DARS1: variants seen among roughly 807,000 people sequenced by gnomAD.
DARS1 encodes aspartate--tRNA ligase, cytoplasmic.
A neutral mutation model predicts 68.8 loss-of-function variants in DARS1; 51 were observed. The observed-to-expected ratio is 0.74, with a 90% CI of 0.59 to 0.94. The LOEUF is 0.94. Among genes scored for constraint, DARS1 ranks in the 40% least tolerant of loss-of-function variants. The pLI, the probability that DARS1 is intolerant of heterozygous loss-of-function variation, is 0.00. For synonymous variants in DARS1, 203 were observed against 190.4 expected, an observed-to-expected ratio of 1.07 and a Z score of -0.55; for missense variants, 607 against 597.3, an observed-to-expected ratio of 1.02 and a Z score of -0.17.
In DARS1 at chr2:135,913,758, CA is replaced by C. The variant is rs553347753; in HGVS notation, c.1149+710del. Among the ~76,000 whole-genome samples, 919 of 125,476 alleles carry C rather than the reference CA, an allele frequency of 7.3e-3. 3 individuals are homozygous for C. Among genetic ancestry groups the C allele is most frequent in the Non-Finnish European group, 9.2e-3 (536 of 58,428 alleles). The allele number at this position is 125,476 out of a possible 152,430, so 82.3% of individuals were successfully genotyped here. On this transcript the variant is annotated intron_variant, in intron 12 of 15. Coordinates refer to ENST00000264161, the MANE Select transcript of DARS1 (RefSeq NM_001349.4). ...GGGCAACAAGAGCGAAACTCCGTCT[CA>C]AAAAAAAAAAAAATTACATTCCAAC... is the stretch of plus-strand genomic sequence containing the variant.
At chr2:135,980,416 T>C (rs1007831852) in intron 2 of DARS1, 1 of 152,238 alleles carries the variant, frequency 6.6e-6, no homozygotes, top group African/African-American at 2.4e-5. Context: ...AAATTATAAA[T>C]ACTGTATGTC....
intron 4 of DARS1, among the ~76,000 whole-genome samples, chr2:135,959,947 T>C (rs1386023971): frequency 6.6e-6 from 1 of 152,240 alleles, no homozygotes; most frequent in African/African-American, 2.4e-5. Flanking sequence ...TTTCAGTATA[T>C]TTAATAGAAT....
intron 4 of DARS1, among the ~76,000 whole-genome samples, chr2:135,954,344 A>AAG (rs963359087): frequency 1.7e-4 from 26 of 150,830 alleles, no homozygotes; most frequent in Non-Finnish European, 2.8e-4. Flanking sequence ...AAAAAAAAAA[A>AAG]AGAGAGAGAG....
chr2:135,959,320 G>T (rs935238073), intron 4 of DARS1, among the ~76,000 whole-genome samples: 1 of 143,560 alleles, frequency 7.0e-6, no homozygotes, highest in East Asian at 2.1e-4. Flanking sequence ...CTTGAACCGG[G>T]TAGGAGGTTG....
At chr2:135,962,639 G>A (rs1210613707) in intron 3 of DARS1, among the ~76,000 whole-genome samples, 1 of 152,162 alleles carries the variant, frequency 6.6e-6, no homozygotes, top group Non-Finnish European at 1.5e-5. Context: ...ATTGACTTTA[G>A]AGTCATATAT....
intron 12 of DARS1, 128 bp downstream of exon 12, chr2:135,914,341 C>A: frequency 1.5e-6 from 1 of 669,870 alleles, no homozygotes; most frequent in South Asian, 2.0e-5. Context: ...TTAATGTTGT[C>A]CTTCTTCGGT....
rs750758981 is a variant in DARS1 at position 135,983,404 on chromosome 2, T to C, written c.117A>G (p.Glu39=). 8.6e-6 allele frequency: 10 copies of C among 1,157,024 alleles called. No individual in the cohort carries two copies. The highest frequency in any genetic ancestry group is 1.5e-5 in the African/African-American group (1 of 66,446). 71.7% of individuals were successfully genotyped at this position (1,157,024 alleles called of 1,614,324 possible). ...YGISSMIQSQ[E]KPDRVLVRVR... is the part of the protein sequence containing the mutation. ...TGTCACATAGCTACTAACCTGGTTT[T>C]TCTTGTGATTGTATCATTGAAGATA... is the stretch of plus-strand genomic sequence containing the variant. Residue 39 remains glutamate, a synonymous_variant, in exon 2 of 16, where the codon GAA becomes GAG. Transcript: ENST00000264161.
intron 2 of DARS1, among the ~76,000 whole-genome samples, chr2:135,982,046 CATA>C (rs1682644163): frequency 6.6e-6 from 1 of 152,058 alleles, no homozygotes; most frequent in Admixed American, 6.5e-5. Flanking sequence ...ATTTCCAAAG[CATA>C]ATATTCATAG....
chr2:135,950,091 T>C (rs552267017), intron 4 of DARS1, among the ~76,000 whole-genome samples: 75 of 152,344 alleles, frequency 4.9e-4, no homozygotes, highest in Admixed American at 9.2e-4. Flanking sequence ...ACCTGGTATA[T>C]GGCCAGAGGG....
intron 2 of DARS1, chr2:135,980,578 C>G (rs1682603493): frequency 6.6e-6 from 1 of 152,178 alleles, no homozygotes; most frequent in African/African-American, 2.4e-5. Flanking sequence ...ACTGGCATCA[C>G]AAGAGGATTT....
intron 12 of DARS1, among the ~76,000 whole-genome samples, chr2:135,912,803 A>ATT (rs60878223): frequency 1.0e-3 from 152 of 148,524 alleles, no homozygotes; most frequent in Middle Eastern, 3.5e-3. Flanking sequence ...TAGTTTTTAA[A>ATT]TTTTTTTTTT....
Position 135,907,173 on chromosome 2 carries a change from T to C in DARS1, c.*143A>G, listed in dbSNP as rs1680799078. 1 of 496,226 alleles carries C rather than the reference T, an allele frequency of 2.0e-6. No homozygotes were observed. The highest frequency in any genetic ancestry group is 3.0e-5 in the South Asian group (1 of 33,142). The allele number at this position is 496,226 out of a possible 1,614,324, so 30.7% of individuals were successfully genotyped here. A position where few individuals can be genotyped will look rare whatever the true frequency, so the allele number is the denominator to read the frequency against. On this transcript the variant is annotated 3_prime_UTR_variant, in exon 16 of 16. Coordinates refer to ENST00000264161, the MANE Select transcript of DARS1 (RefSeq NM_001349.4). ...TTAGGGCCTTGCAAATTTATTCTAG[T>C]GCATATTTTAAGTACCTAAAGTACA...
intron 5 of DARS1, among the ~76,000 whole-genome samples, chr2:135,936,710 G>C (rs1681479104): frequency 6.6e-6 from 1 of 152,142 alleles, no homozygotes; most frequent in African/African-American, 2.4e-5. Flanking sequence ...CTTCCTGGTG[G>C]GGTTGTTTCA....
chr2:135,985,227 G>C, intron 1 of DARS1, 176 bp downstream of exon 1: 1 of 1,028,390 alleles, frequency 9.7e-7, no homozygotes, highest in South Asian at 2.1e-5. Context: ...ACGCGGTCCG[G>C]AGAGGGTCTG....
intron 4 of DARS1, among the ~76,000 whole-genome samples, chr2:135,951,733 G>C (rs1026497663): frequency 1.3e-5 from 2 of 152,136 alleles, no homozygotes; most frequent in Admixed American, 6.5e-5. Context: ...CTCATGTTAT[G>C]AGCCATACCC....
chr2:135,985,461 C>T lies in DARS1; in HGVS notation c.8G>A (p.Ser3Asn). The T allele has an allele frequency of 6.2e-7, 1 of 1,613,966 alleles. No individual in the cohort carries two copies. The highest frequency in any genetic ancestry group is 8.5e-7 in the Non-Finnish European group (1 of 1,179,956). The change falls in exon 1 of 16, where the codon AGC becomes AAC. Residue 3 changes from serine to asparagine, a missense_variant. Transcript: ENST00000264161. ...CTGACTCTTGCGGCTGGCGCTGGCG[C>T]TGGGCATCGGGACACGGAACTGGGC... Reference protein sequence around the residue: MPSASASRKSQEK... With the variant: MPNASASRKSQEK...
intron 9 of DARS1, 109 bp from the exon 10 acceptor site, chr2:135,920,709 A>G: frequency 7.3e-7 from 1 of 1,360,810 alleles, no homozygotes; most frequent in Non-Finnish European, 9.6e-7. Context: ...TATTATTTTC[A>G]TATTACAGGG....
chr2:135,926,294 C>T (rs1255222589), intron 7 of DARS1, among the ~76,000 whole-genome samples: 1 of 152,188 alleles, frequency 6.6e-6, no homozygotes, highest in Non-Finnish European at 1.5e-5. Context: ...TTTTAAAAAA[C>T]TGTACTTCTT....
At chr2:135,963,907 G>A (rs1019970078) in intron 3 of DARS1, among the ~76,000 whole-genome samples, 12 of 147,238 alleles carry the variant, frequency 8.2e-5, no homozygotes, top group African/African-American at 2.5e-4. Flanking sequence ...TCTCGAACTC[G>A]TGACCCCAGG....
Sources: gnomAD v4.1 joint callset for allele counts (sites outside exome capture counted in the v4.1 genomes callset) on GRCh38, gnomAD v4.1.1 for gene constraint, MANE v1.5 for transcripts, NCBI Gene and HGNC (gene_info 2026-07-23, HGNC 2026-07-21) for gene names.